Variants in CNBD1 observed in about 807,000 individuals in gnomAD.
CNBD1 encodes cyclic nucleotide binding domain containing 1.
In CNBD1, 71 loss-of-function variants were observed where a neutral mutation model predicts 54.4. The ratio of observed to expected loss-of-function variants is 1.30; its 90% CI spans 1.08 to 1.59. CNBD1 has a LOEUF of 1.59. CNBD1 is among the 40% of genes most tolerant of loss of function. The pLI is 0.00. For missense variants in CNBD1, 659 were observed against 518.0 expected (o/e 1.27, Z -2.64); for synonymous variants, 182 against 170.7 (o/e 1.07, Z -0.51).
At chr8:86,908,150 G>C (rs1223392362) in intron 3 of CNBD1, among the ~76,000 whole-genome samples, 1 of 152,184 alleles carries the variant, frequency 6.6e-6, no homozygotes, top group Non-Finnish European at 1.5e-5. Flanking sequence ...AGTCCATGTG[G>C]AGCAAGGCAC....
downstream of CNBD1, among the ~76,000 whole-genome samples, chr8:87,387,422 A>C (rs193027291): frequency 1.8e-4 from 28 of 152,274 alleles, no homozygotes; most frequent in South Asian, 5.0e-3. Context: ...TCTACCAAGC[A>C]AATGGAAAAC....
At position 87,160,863 on chromosome 8, in the gene CNBD1, T is replaced by A. The variant is rs75328667; in HGVS notation, c.432-45130T>A. ...TATCGTGGAGAACACTCTTTGATGATTGGCTATGTAAAGGTGAAAGTGGAT... is the reference window on the plus strand; with the variant it reads ...TATCGTGGAGAACACTCTTTGATGAATGGCTATGTAAAGGTGAAAGTGGAT... On this transcript the variant is annotated intron_variant, in intron 4 of 10. Transcript: ENST00000518476. Among the ~76,000 whole-genome samples, 888 of 152,210 alleles carry A rather than the reference T, an allele frequency of 5.8e-3. 17 individuals carry two copies. The highest frequency in any genetic ancestry group is 0.058 in the East Asian group (298 of 5,164).
At chr8:87,241,310 G>A (rs1263045939) in intron 6 of CNBD1, among the ~76,000 whole-genome samples, 9 of 120,754 alleles carry the variant, frequency 7.5e-5, no homozygotes, top group Admixed American at 2.1e-4. Flanking sequence ...TCGCTCTGTC[G>A]CCCAGGCTGG....
intron 8 of CNBD1, among the ~76,000 whole-genome samples, chr8:87,298,127 GT>G (rs1184418315): frequency 1.3e-5 from 2 of 151,516 alleles, no homozygotes; most frequent in Non-Finnish European, 2.9e-5. Flanking sequence ...CAAATTTTTT[GT>G]AAATCTGATT....
intron 4 of CNBD1, among the ~76,000 whole-genome samples, chr8:87,096,343 CTTTTTT>C (rs764461082): frequency 5.1e-5 from 6 of 117,156 alleles, no homozygotes; most frequent in Admixed American, 2.7e-4. Flanking sequence ...TCTCTGGTGT[CTTTTTT>C]TTTTTTTTTT....
chr8:86,866,438 A>C lies in CNBD1; in HGVS notation c.-58A>C, dbSNP rs1207399360. 7 of 1,213,418 alleles carry C rather than the reference A, an allele frequency of 5.8e-6. No homozygotes were observed. The East Asian group carries it at 7.3e-5, about 13-fold the overall frequency. The allele number at this position is 1,213,418 out of a possible 1,614,324, so 75.2% of individuals were successfully genotyped here. ...CTGCTTTATGAGCCTGCAGGCAAAG[A>C]GTGATCATTTGCCTCTCAAGCAGCC... On this transcript the variant is annotated 5_prime_UTR_variant, in exon 1 of 11. Transcript: ENST00000518476.
At chr8:87,136,180 G>A (rs1414446624) in intron 4 of CNBD1, among the ~76,000 whole-genome samples, 1 of 151,814 alleles carries the variant, frequency 6.6e-6, no homozygotes, top group Non-Finnish European at 1.5e-5. Context: ...TATTCATAAG[G>A]GAATACTTGA....
intron 4 of CNBD1, among the ~76,000 whole-genome samples, chr8:86,947,738 T>C (rs1807502646): frequency 6.6e-6 from 1 of 152,184 alleles, no homozygotes; most frequent in Admixed American, 6.6e-5. Flanking sequence ...GTTCGTGCCC[T>C]CAGGCATTTA....
chr8:87,007,039 A>G (rs957955598), intron 4 of CNBD1, among the ~76,000 whole-genome samples: 1 of 152,130 alleles, frequency 6.6e-6, no homozygotes, highest in Non-Finnish European at 1.5e-5. Context: ...TCTACTAAAA[A>G]TACAAAAATT....
At chr8:86,895,205 TCACTA>T (rs1246392316) in intron 2 of CNBD1, among the ~76,000 whole-genome samples, 5 of 151,958 alleles carry the variant, frequency 3.3e-5, no homozygotes, top group Admixed American at 6.6e-5. Flanking sequence ...GCAGCTTCCT[TCACTA>T]AACAATATGT....
At chr8:87,352,256 G>A (rs562772267) in intron 9 of CNBD1, among the ~76,000 whole-genome samples, 5 of 151,954 alleles carry the variant, frequency 3.3e-5, no homozygotes, top group Non-Finnish European at 4.4e-5. Flanking sequence ...CGAGGCGGGC[G>A]GATCACGAGA....
chr8:86,952,825 C>G lies in CNBD1; in HGVS notation c.431+13071C>G, dbSNP rs145514020. On this transcript the variant is annotated intron_variant, in intron 4 of 10. Transcript: ENST00000518476. ...TTAGATAATGAACATAATCAAATTG[C>G]TCCCAAGAGTTTCCTTGCAACTTTT... 4.9e-3 allele frequency among the ~76,000 whole-genome samples: 749 copies of G among 152,208 alleles called. 2 individuals carry two copies. Among genetic ancestry groups the G allele is most frequent in the Non-Finnish European group, 8.0e-3 (544 of 68,020 alleles).
At chr8:87,197,104 T>A (rs2130790570) in intron 4 of CNBD1, among the ~76,000 whole-genome samples, 1 of 152,330 alleles carries the variant, frequency 6.6e-6, no homozygotes, top group South Asian at 2.1e-4. Context: ...ATTTTAATAA[T>A]GACACAATTG....
chr8:86,968,485 G>C (rs1158680545), intron 4 of CNBD1, among the ~76,000 whole-genome samples: 1 of 152,156 alleles, frequency 6.6e-6, no homozygotes, highest in Non-Finnish European at 1.5e-5. Context: ...GTAAATCAAA[G>C]AGAACGACTA....
intron 4 of CNBD1, among the ~76,000 whole-genome samples, chr8:86,949,004 G>C (rs1302709796): frequency 1.3e-5 from 2 of 152,150 alleles, no homozygotes; most frequent in Non-Finnish European, 2.9e-5. Flanking sequence ...TTGTTGAAGA[G>C]ATTGTCCTTT....
intron 4 of CNBD1, among the ~76,000 whole-genome samples, chr8:87,075,219 T>A (rs1341170106): frequency 6.6e-6 from 1 of 152,198 alleles, no homozygotes; most frequent in African/African-American, 2.4e-5. Flanking sequence ...GTGAGGTAAA[T>A]CATATAGGAT....
rs191258097 is a variant in CNBD1, at chr8:87,192,705, T to C, written c.432-13288T>C. Among the ~76,000 whole-genome samples the C allele has an allele frequency of 1.3e-3, 197 of 152,328 alleles. 2 individuals are homozygous for C. Among genetic ancestry groups the C allele is most frequent in the South Asian group, 6.2e-4 (3 of 4,832 alleles). On this transcript the variant is annotated intron_variant, in intron 4 of 10. Coordinates refer to ENST00000518476, the MANE Select transcript of CNBD1 (RefSeq NM_173538.3). ...TGAAAACCTTGGATTCCCTGTAATT[T>C]CACATCAGCCCTATGGATTCCTAAT...
chr8:86,960,189 G>A (rs113828176), intron 4 of CNBD1, among the ~76,000 whole-genome samples: 39 of 152,224 alleles, frequency 2.6e-4, no homozygotes, highest in African/African-American at 8.2e-4. Flanking sequence ...GTGGGGCATC[G>A]CCTCACCCAG....
chr8:86,940,852 A>G (rs1243051963), intron 4 of CNBD1, among the ~76,000 whole-genome samples: 1 of 152,208 alleles, frequency 6.6e-6, no homozygotes, highest in Non-Finnish European at 1.5e-5. Context: ...CTTTGTTTAG[A>G]TACAAAAATA....
Sources: allele counts gnomAD v4.1 joint callset (sites outside exome capture counted in the v4.1 genomes callset), GRCh38; gene constraint gnomAD v4.1.1; transcripts MANE v1.5; gene names NCBI Gene and HGNC (gene_info 2026-07-23, HGNC 2026-07-21).